Variants in CCDC178 observed in about 807,000 individuals in gnomAD.
CCDC178 encodes the protein coiled-coil domain-containing protein 178.
In CCDC178, 126 loss-of-function variants were observed where a neutral mutation model predicts 117.4. That is an observed-to-expected ratio of 1.07 (90% CI 0.93 to 1.24). CCDC178 has a LOEUF of 1.24. CCDC178 is among the 50% of genes most tolerant of loss of function. The pLI is 0.00. For missense variants in CCDC178, 1,030 were observed against 986.9 expected, an observed-to-expected ratio of 1.04 and a Z score of -0.59; for synonymous variants, 283 against 313.4, an observed-to-expected ratio of 0.90 and a Z score of 1.02.
At chr18:33,364,732 CTTTTTTTT>C (rs34988094) in intron 6 of CCDC178, among the ~76,000 whole-genome samples, 1 of 110,822 alleles carries the variant, frequency 9.0e-6, no homozygotes, top group African/African-American at 3.3e-5. Context: ...GTTGTCGCTC[CTTTTTTTT>C]TTTTTTTTTT....
chr18:33,372,264 A>T (rs1449621549), intron 5 of CCDC178, among the ~76,000 whole-genome samples: 1 of 152,122 alleles, frequency 6.6e-6, no homozygotes, highest in African/African-American at 2.4e-5. Context: ...AGCATGGCAT[A>T]AGTTAAAACT....
At chr18:33,376,251 C>T (rs995852356) in intron 5 of CCDC178, among the ~76,000 whole-genome samples, 1 of 152,078 alleles carries the variant, frequency 6.6e-6, no homozygotes, top group African/African-American at 2.4e-5. Context: ...CTGATGGTCA[C>T]CCAACACTCC....
At chr18:33,204,858 A>C (rs950347019) in intron 20 of CCDC178, among the ~76,000 whole-genome samples, 2 of 152,162 alleles carry the variant, frequency 1.3e-5, no homozygotes, top group African/African-American at 4.8e-5. Flanking sequence ...ACTTTCTGAA[A>C]GTGGAAATTT....
At chr18:33,419,966 G>C (rs186404307) in intron 2 of CCDC178, among the ~76,000 whole-genome samples, 2 of 150,676 alleles carry the variant, frequency 1.3e-5, no homozygotes, top group East Asian at 3.9e-4. Context: ...AAAAAATAAA[G>C]TATTCTACCA....
chr18:33,122,231 C>T (rs2057946349), intron 20 of CCDC178, among the ~76,000 whole-genome samples: 1 of 152,046 alleles, frequency 6.6e-6, no homozygotes, highest in Admixed American at 6.6e-5. Context: ...GTGGTAATCT[C>T]CTTGCTGGGG....
chr18:32,976,950 A>C (rs1415167000), intron 21 of CCDC178, among the ~76,000 whole-genome samples: 2 of 152,136 alleles, frequency 1.3e-5, no homozygotes, highest in African/African-American at 4.8e-5. Context: ...AGATAAATAC[A>C]ATTTGCTAAA....
intron 20 of CCDC178, among the ~76,000 whole-genome samples, chr18:33,163,018 C>T (rs761328033): frequency 4.6e-5 from 7 of 152,108 alleles, no homozygotes; most frequent in Non-Finnish European, 8.8e-5. Flanking sequence ...ATACTGCTTT[C>T]CACAGGCTGA....
intron 11 of CCDC178, among the ~76,000 whole-genome samples, chr18:33,320,190 G>C (rs2062485787): frequency 6.6e-6 from 1 of 152,144 alleles, no homozygotes; most frequent in South Asian, 2.1e-4. Context: ...CACAAGACAG[G>C]GATGCCCTCT....
At chr18:33,008,886 C>CA (rs1362921291) in intron 21 of CCDC178, among the ~76,000 whole-genome samples, 1 of 152,088 alleles carries the variant, frequency 6.6e-6, no homozygotes, top group Non-Finnish European at 1.5e-5. Flanking sequence ...TGTTTATCAA[C>CA]AAACTACCTG....
At chr18:33,244,608 T>C (rs970284284) in intron 15 of CCDC178, among the ~76,000 whole-genome samples, 2 of 151,896 alleles carry the variant, frequency 1.3e-5, no homozygotes, top group Admixed American at 1.3e-4. Flanking sequence ...GTAAGTTTAC[T>C]GAGGCCTCCC....
chr18:33,124,075 T>C (rs1200863004), intron 20 of CCDC178, among the ~76,000 whole-genome samples: 1 of 152,170 alleles, frequency 6.6e-6, no homozygotes, highest in Non-Finnish European at 1.5e-5. Flanking sequence ...TTAATTACTC[T>C]GTGCAGTACT....
chr18:33,368,450 GT>G (rs1405204382), intron 6 of CCDC178, among the ~76,000 whole-genome samples: 1 of 151,622 alleles, frequency 6.6e-6, no homozygotes, highest in Non-Finnish European at 1.5e-5. Flanking sequence ...CTTTTTTGAG[GT>G]TTTTCAATAT....
intron 21 of CCDC178, among the ~76,000 whole-genome samples, chr18:32,996,560 T>G (rs373886936): frequency 6.6e-6 from 1 of 151,866 alleles, no homozygotes; most frequent in South Asian, 2.1e-4. Flanking sequence ...GCTCCATATA[T>G]AATATTAAAT....
intron 1 of CCDC178, among the ~76,000 whole-genome samples, chr18:33,440,298 A>C (rs1323702852): frequency 2.2e-5 from 1 of 44,930 alleles, no homozygotes; most frequent in African/African-American, 9.6e-5. Flanking sequence ...GGACTGGGGG[A>C]CTGGGGGACT....
At chr18:33,160,860 T>A (rs2058453610) in intron 20 of CCDC178, among the ~76,000 whole-genome samples, 1 of 152,132 alleles carries the variant, frequency 6.6e-6, no homozygotes, top group African/African-American at 2.4e-5. Flanking sequence ...CCTTATGCTT[T>A]CTAAATACCC....
chr18:33,147,799 CT>C (rs1008685225), intron 20 of CCDC178, among the ~76,000 whole-genome samples: 2 of 152,192 alleles, frequency 1.3e-5, no homozygotes, highest in Admixed American at 1.3e-4. Flanking sequence ...AATCTGATTT[CT>C]CTATCTTTTC....
chr18:33,351,932 C>T (rs574080506), intron 7 of CCDC178, among the ~76,000 whole-genome samples: 24 of 152,274 alleles, frequency 1.6e-4, no homozygotes, highest in African/African-American at 5.3e-4. Flanking sequence ...TTGCTGGGCT[C>T]ATAGGATGAC....
At chr18:33,034,635 C>T (rs2144872297) in intron 21 of CCDC178, among the ~76,000 whole-genome samples, 1 of 152,136 alleles carries the variant, frequency 6.6e-6, no homozygotes, top group East Asian at 1.9e-4. Flanking sequence ...CCTTCCCAGG[C>T]TGATTGGCAT....
chr18:33,270,846 AT>A (rs2059879172), intron 12 of CCDC178, among the ~76,000 whole-genome samples: 1 of 151,574 alleles, frequency 6.6e-6, no homozygotes, highest in African/African-American at 2.4e-5. Flanking sequence ...TAAACGTATT[AT>A]TTTGTAACTC....
Sources: gnomAD v4.1 joint callset for allele counts (sites outside exome capture counted in the v4.1 genomes callset) on GRCh38, gnomAD v4.1.1 for gene constraint, MANE v1.5 for transcripts, NCBI Gene and HGNC (gene_info 2026-07-23, HGNC 2026-07-21) for gene names.